AGRN: variants seen among roughly 807,000 people sequenced by gnomAD.
AGRN encodes the protein agrin proteoglycan.
In AGRN, 106 loss-of-function variants were observed where a neutral mutation model predicts 211.0. The ratio of observed to expected loss-of-function variants is 0.50; its 90% CI spans 0.43 to 0.59. AGRN has a LOEUF of 0.59. Ranked by LOEUF, AGRN falls within the 20% of genes least tolerant of loss-of-function variation. The pLI is 0.00. For missense variants in AGRN, 3,040 were observed against 2,982.6 expected, an observed-to-expected ratio of 1.02 and a Z score of -0.45; for synonymous variants, 1,525 against 1,332.5, an observed-to-expected ratio of 1.14 and a Z score of -3.15.
chr1:1,045,590 C>T (rs1645068410), intron 14 of AGRN, 67 bp downstream of exon 14: 37 of 1,604,598 alleles, frequency 2.3e-5, no homozygotes, highest in South Asian at 1.9e-4. Context: ...CATCACTGTG[C>T]TTCTCCTCAC....
chr1:1,050,664 G>T, intron 29 of AGRN, 62 bp from the exon 30 acceptor site: 1 of 1,605,066 alleles, frequency 6.2e-7, no homozygotes. Flanking sequence ...GGTCGCTCAG[G>T]CCCTGGGTGG....
At chr1:1,051,044 G>C in intron 30 of AGRN, 1 of 1,548,936 alleles carries the variant, frequency 6.5e-7, no homozygotes, top group South Asian at 1.2e-5. Flanking sequence ...ATCCCGCAAG[G>C]TACTGTCGGC....
In AGRN at chr1:1,047,912, G is replaced by A. The variant is rs769221335; in HGVS notation, c.3751+17G>A. The A allele has an allele frequency of 6.9e-6, 11 of 1,603,734 alleles. No homozygotes were observed. Among genetic ancestry groups the A allele is most frequent in the Middle Eastern group, 1.7e-4 (1 of 6,042 alleles). On this transcript the variant is annotated intron_variant, in intron 22 of 35. Transcript: ENST00000379370. ...TGGACTTTGGTGAGCGCCAGGCCAC[G>A]AGCCACAGCTTACCTGCCCCCTCCT...
Position 1,049,360 on chromosome 1 carries a change from C to T in AGRN, c.4423C>T (p.Pro1475Ser), listed in dbSNP as rs1645204517. The change falls in exon 25 of 36, where the codon CCT (proline) becomes TCT (serine). Residue 1475 changes from proline to serine, a missense_variant. Transcript: ENST00000379370. ...CACCCTCTCGGTGGATGGTGAGACC[C>T]CTGTTCTGGGCGAGAGTCCCAGTGG... ...RGTLSVDGET[P>S]VLGESPSGTD... 3 of 1,598,212 alleles carry T rather than the reference C, an allele frequency of 1.9e-6. No individual in the cohort carries two copies. Among genetic ancestry groups the T allele is most frequent in the Middle Eastern group, 1.7e-4 (1 of 6,060 alleles).
At chr1:1,043,788 GC>G (rs1198227488) in intron 9 of AGRN, 34 bp from the exon 10 acceptor site, 1 of 1,607,238 alleles carries the variant, frequency 6.2e-7, no homozygotes, top group African/African-American at 1.3e-5. Context: ...CTCAGCCTGG[GC>G]CTGCCGACCC....
chr1:1,042,911 T>C (rs1271106492), intron 7 of AGRN, among the ~76,000 whole-genome samples: 4 of 151,908 alleles, frequency 2.6e-5, no homozygotes, highest in African/African-American at 9.7e-5. Flanking sequence ...ATGGGTGTCC[T>C]GGGGATGCTG....
At chr1:1,025,988 G>T (rs184158099) in intron 2 of AGRN, among the ~76,000 whole-genome samples, 3 of 152,256 alleles carry the variant, frequency 2.0e-5, no homozygotes, top group East Asian at 1.9e-4. Context: ...TTGGCCTGGG[G>T]GGGGGCTTTG....
In AGRN at chr1:1,043,672, C is replaced by G. The variant is rs771632175; in HGVS notation, c.1738C>G (p.Leu580Val). The G allele has an allele frequency of 8.7e-6, 14 of 1,600,996 alleles. No individual in the cohort carries two copies. The highest frequency in any genetic ancestry group is 1.1e-5 in the Non-Finnish European group (13 of 1,179,756). The change falls in exon 9 of 36, where the codon CTG (leucine) becomes GTG (valine). Residue 580 changes from leucine to valine, a missense_variant. Leu to Val is a conservative substitution (Grantham distance 32). Transcript: ENST00000379370. ...GCACACGTACCCCAGCGAGTGCATG[C>G]TGCACGTGCACGCCTGCACACACCA... Reference protein sequence around the residue: ...DGHTYPSECMLHVHACTHQIS... With the variant: ...DGHTYPSECMVHVHACTHQIS...
rs1243645322 is a variant in AGRN at position 1,055,163 on chromosome 1, C to T, written c.*182C>T. 1.3e-5 allele frequency: 13 copies of T among 995,566 alleles called. No individual in the cohort carries two copies. The highest frequency in any genetic ancestry group is 5.3e-5 in the East Asian group (2 of 37,746). The allele number at this position is 995,566 out of a possible 1,614,324, so 61.7% of individuals were successfully genotyped here. On this transcript the variant is annotated 3_prime_UTR_variant, in exon 36 of 36. Transcript: ENST00000379370. ...GAGGGATGGACAGGCGAGGTGGCAG[C>T]GTGGAGGGCTCGGCGTGGATGGCAG...
chr1:1,042,978 G>T (rs1285448598), intron 7 of AGRN, among the ~76,000 whole-genome samples: 1 of 152,118 alleles, frequency 6.6e-6, no homozygotes, highest in Non-Finnish European at 1.5e-5. Flanking sequence ...CCCATAGCCT[G>T]CTGTGGACAA....
chr1:1,035,462 C>G lies in AGRN; in HGVS notation c.511+138C>G. 3 of 1,206,138 alleles carry G rather than the reference C, an allele frequency of 2.5e-6. No individual in the cohort carries two copies. The South Asian group carries it at 3.7e-5, about 15-fold the overall frequency. 74.7% of individuals were successfully genotyped at this position (1,206,138 alleles called of 1,614,324 possible). ...GCTGGACAAGGGCACCTGCGTCTGT[C>G]CTGGGAGTCCGCAGCGGTGGGCCGC... On this transcript the variant is annotated intron_variant, in intron 3 of 35. Transcript: ENST00000379370.
intron 3 of AGRN, among the ~76,000 whole-genome samples, chr1:1,035,560 C>T (rs933693948): frequency 2.6e-5 from 4 of 152,212 alleles, no homozygotes; most frequent in Non-Finnish European, 1.5e-5. Flanking sequence ...TGGGCCTCAG[C>T]CCCCTCAGCC....
At chr1:1,024,609 G>A (rs190418699) in intron 2 of AGRN, among the ~76,000 whole-genome samples, 1,547 of 152,096 alleles carry the variant, frequency 0.01, 20 homozygotes, top group African/African-American at 0.035. Flanking sequence ...GGAGGGCCAC[G>A]CCCCTCACCA....
Position 1,048,231 on chromosome 1 carries a change from C to A in AGRN, c.3971C>A (p.Pro1324Gln). 2 of 1,544,842 alleles carry A rather than the reference C, an allele frequency of 1.3e-6. No individual in the cohort carries two copies. The highest frequency in any genetic ancestry group is 1.2e-5 in the South Asian group (1 of 83,408). The change falls in exon 23 of 36, where the codon CCG becomes CAG. Residue 1324 changes from proline (P) to glutamine (Q), a missense_variant. Pro to Gln is a moderately conservative substitution (Grantham distance 76). Around this residue, in one of 3 missense-constraint regions of AGRN, gnomAD observed 1,537 missense variants for 1,505.0 expected, o/e 1.02. Coordinates refer to ENST00000379370, the MANE Select transcript of AGRN (RefSeq NM_198576.4). The surrounding 1 kb of genome is among the most constrained non-coding windows in gnomAD (Gnocchi z 5.9). ...AGCCGTGTGCCCGGACGTCGGCCCC[C>A]GGCCCCCCAGCAGCCTCCAAAGCCC... ...APSRVPGRRP[P>Q]APQQPPKPCD...
At chr1:1,035,045 G>A in intron 2 of AGRN, 3 of 609,786 alleles carry the variant, frequency 4.9e-6, no homozygotes, top group Non-Finnish European at 8.7e-6. Flanking sequence ...CCATCTGACA[G>A]GGGTCAGGCC....
At chr1:1,037,110 C>T (rs1232535187) in intron 3 of AGRN, among the ~76,000 whole-genome samples, 1 of 152,150 alleles carries the variant, frequency 6.6e-6, no homozygotes, top group Non-Finnish European at 1.5e-5. Flanking sequence ...TCCCAGTGGG[C>T]TGGGTCCTGG....
chr1:1,052,016 T>A (rs928044021), intron 33 of AGRN: 1 of 1,532,732 alleles, frequency 6.5e-7, no homozygotes, highest in Admixed American at 2.0e-5. Flanking sequence ...GAGATCCCCG[T>A]GTGAGTAGAG....
intron 3 of AGRN, among the ~76,000 whole-genome samples, chr1:1,037,441 C>T (rs1460542922): frequency 6.6e-6 from 1 of 152,196 alleles, no homozygotes; most frequent in Non-Finnish European, 1.5e-5. Flanking sequence ...CGGGCCAGAG[C>T]TCACAGCAGG....
rs868377667 is a variant in AGRN, at chr1:1,034,628, G to A, written c.464-649G>A. ...CTCCCTGCTGGTGCGAGGCTTCATG[G>A]TGCCCTGCAACGCCTGCCTGATCCT... On this transcript the variant is annotated intron_variant, in intron 2 of 35. Coordinates refer to ENST00000379370, the MANE Select transcript of AGRN (RefSeq NM_198576.4). 9.8e-5 allele frequency: 97 copies of A among 986,978 alleles called. 1 individual carries two copies. Among genetic ancestry groups the A allele is most frequent in the Middle Eastern group, 5.2e-4 (1 of 1,936 alleles). The allele number at this position is 986,978 out of a possible 1,614,324, so 61.1% of individuals were successfully genotyped here.
Sources: allele counts gnomAD v4.1 joint callset (sites outside exome capture counted in the v4.1 genomes callset), GRCh38; gene constraint gnomAD v4.1.1; regional missense constraint gnomAD v4.1.1; non-coding constraint Gnocchi (gnomAD v3.1); transcripts MANE v1.5; gene names NCBI Gene and HGNC (gene_info 2026-07-23, HGNC 2026-07-21).